The following IMMP2L variants were observed in gnomAD, a reference collection of about 807,000 sequenced individuals.
IMMP2L encodes mitochondrial inner membrane protease subunit 2.
In IMMP2L, 18 loss-of-function variants were observed where a neutral mutation model predicts 19.3. The observed-to-expected ratio is 0.93, with a 90% CI of 0.64 to 1.38. The LOEUF is 1.38. Ranked by LOEUF, IMMP2L falls within the 40% of genes most tolerant of loss-of-function variation. The pLI, the probability that IMMP2L is intolerant of heterozygous loss-of-function variation, is 0.00. For synonymous variants in IMMP2L, 76 were observed against 73.0 expected, an observed-to-expected ratio of 1.04 and a Z score of -0.21; for missense variants, 233 against 218.2, an observed-to-expected ratio of 1.07 and a Z score of -0.43.
At chr7:111,546,192 C>T (rs1848914948) in intron 1 of IMMP2L, among the ~76,000 whole-genome samples, 1 of 151,992 alleles carries the variant, frequency 6.6e-6, no homozygotes, top group Non-Finnish European at 1.5e-5. Context: ...ATTACAGGAT[C>T]TATAGGATAC....
intron 3 of IMMP2L, among the ~76,000 whole-genome samples, chr7:111,402,991 A>ACC (rs781654530): frequency 7.0e-4 from 32 of 45,554 alleles, no homozygotes; most frequent in African/African-American, 2.5e-3. Context: ...TGCAGCCTTG[A>ACC]CCCCCCCCCC....
chr7:111,421,381 T>C (rs1203091047), intron 3 of IMMP2L, among the ~76,000 whole-genome samples: 3 of 148,420 alleles, frequency 2.0e-5, no homozygotes. Flanking sequence ...GCCATTCTCC[T>C]GCCTCAGCCT....
At chr7:111,443,443 C>T (rs1837951323) in intron 3 of IMMP2L, among the ~76,000 whole-genome samples, 1 of 152,136 alleles carries the variant, frequency 6.6e-6, no homozygotes, top group Non-Finnish European at 1.5e-5. Flanking sequence ...CACTCTTTGA[C>T]CCAAAATCAA....
At chr7:111,200,544 T>G (rs951665636) in intron 3 of IMMP2L, among the ~76,000 whole-genome samples, 1 of 152,082 alleles carries the variant, frequency 6.6e-6, no homozygotes, top group Admixed American at 6.6e-5. Context: ...TTTTGGAAGC[T>G]TACATTTAAA....
chr7:110,846,366 T>TTTTTTTG (rs1554435800), intron 5 of IMMP2L, among the ~76,000 whole-genome samples: 1 of 113,134 alleles, frequency 8.8e-6, no homozygotes, highest in South Asian at 3.6e-4. Context: ...TTTTTTTTTT[T>TTTTTTTG]TTGTTGTTGT....
At chr7:111,197,887 T>C (rs1452966810) in intron 3 of IMMP2L, among the ~76,000 whole-genome samples, 1 of 152,198 alleles carries the variant, frequency 6.6e-6, no homozygotes, top group Non-Finnish European at 1.5e-5. Flanking sequence ...GACTTTAGAA[T>C]TGTCACACAT....
chr7:111,334,633 A>G (rs1212367462), intron 3 of IMMP2L, among the ~76,000 whole-genome samples: 1 of 152,142 alleles, frequency 6.6e-6, no homozygotes, highest in Non-Finnish European at 1.5e-5. Flanking sequence ...CATTTCATAC[A>G]TGCATGACTA....
intron 5 of IMMP2L, among the ~76,000 whole-genome samples, chr7:110,706,005 A>G (rs1361795684): frequency 6.6e-6 from 1 of 152,092 alleles, no homozygotes; most frequent in Admixed American, 6.6e-5. Flanking sequence ...TGCTATTGTG[A>G]ATAGCACTGT....
chr7:111,277,013 A>G (rs1454718162), intron 3 of IMMP2L, among the ~76,000 whole-genome samples: 1 of 152,182 alleles, frequency 6.6e-6, no homozygotes, highest in Non-Finnish European at 1.5e-5. Context: ...TGAAAATCCT[A>G]GAAGAAAACT....
At chr7:111,225,284 A>AT (rs1812959208) in intron 3 of IMMP2L, among the ~76,000 whole-genome samples, 1 of 152,140 alleles carries the variant, frequency 6.6e-6, no homozygotes, top group Admixed American at 6.6e-5. Flanking sequence ...TGTGACAGTT[A>AT]TAAGAAAGCC....
intron 3 of IMMP2L, among the ~76,000 whole-genome samples, chr7:111,109,703 A>G (rs1798967195): frequency 6.6e-6 from 1 of 152,320 alleles, no homozygotes; most frequent in Admixed American, 6.5e-5. Flanking sequence ...TATTAGGGGA[A>G]TCAGATAAGG....
At chr7:111,020,533 A>C (rs1826174859) in intron 3 of IMMP2L, among the ~76,000 whole-genome samples, 1 of 152,172 alleles carries the variant, frequency 6.6e-6, no homozygotes, top group Non-Finnish European at 1.5e-5. Context: ...ATGCTGAGAC[A>C]GGTGGATTGC....
At chr7:111,451,713 TA>T (rs779828841) in intron 3 of IMMP2L, among the ~76,000 whole-genome samples, 2,687 of 116,640 alleles carry the variant, frequency 0.023, 63 homozygotes, top group African/African-American at 0.071. Context: ...AAAGTATAAT[TA>T]AAAAAAAAAA....
chr7:111,266,093 CT>C (rs1159275810), intron 3 of IMMP2L, among the ~76,000 whole-genome samples: 1 of 152,082 alleles, frequency 6.6e-6, no homozygotes, highest in African/African-American at 2.4e-5. Context: ...GCATATTTTA[CT>C]TACTTAGTTT....
At chr7:111,102,858 T>A (rs1798125834) in intron 3 of IMMP2L, among the ~76,000 whole-genome samples, 1 of 151,568 alleles carries the variant, frequency 6.6e-6, no homozygotes, top group African/African-American at 2.4e-5. Flanking sequence ...AATTACAATC[T>A]TTGAAATTAT....
intron 2 of IMMP2L, among the ~76,000 whole-genome samples, chr7:111,504,058 A>T (rs993929738): frequency 2.6e-5 from 4 of 152,150 alleles, no homozygotes; most frequent in Non-Finnish European, 5.9e-5. Context: ...ACATGATTGT[A>T]TATCTAGAAA....
intron 3 of IMMP2L, among the ~76,000 whole-genome samples, chr7:110,966,535 C>T (rs1819565679): frequency 6.6e-6 from 1 of 151,902 alleles, no homozygotes; most frequent in Non-Finnish European, 1.5e-5. Flanking sequence ...TTTTGAGATT[C>T]TTAAAAGGTA....
rs1174250971 is a variant in IMMP2L at position 110,662,737 on chromosome 7, G to T, written c.*865C>A. Among the ~76,000 whole-genome samples, 2 of 152,174 alleles carry T rather than the reference G, an allele frequency of 1.3e-5. No homozygotes were observed. Among genetic ancestry groups the T allele is most frequent in the South Asian group, 2.1e-4 (1 of 4,832 alleles). ...AATTGGTGATTTCAGTATTACAGAC[G>T]TGAATACTGAGAAATAATTAGGGGA... On this transcript the variant is annotated 3_prime_UTR_variant, in exon 6 of 6. Coordinates refer to ENST00000405709, the MANE Select transcript of IMMP2L (RefSeq NM_032549.4).
At chr7:110,887,022 A>T (rs576600778) in intron 4 of IMMP2L, among the ~76,000 whole-genome samples, 9 of 152,166 alleles carry the variant, frequency 5.9e-5, no homozygotes, top group African/African-American at 2.2e-4. Flanking sequence ...CAAAATATAG[A>T]TCTATTTGTT....
Sources: allele counts gnomAD v4.1 joint callset (sites outside exome capture counted in the v4.1 genomes callset), GRCh38; gene constraint gnomAD v4.1.1; transcripts MANE v1.5; gene names NCBI Gene and HGNC (gene_info 2026-07-23, HGNC 2026-07-21).